Variants in SEMA5A observed in about 807,000 individuals in gnomAD.
The protein encoded by SEMA5A is semaphorin-5A.
SEMA5A carries 55 observed loss-of-function variants against 135.5 expected under a neutral mutation model. The ratio of observed to expected loss-of-function variants is 0.41; its 90% confidence interval spans 0.33 to 0.51. SEMA5A has a LOEUF of 0.51. Ranked by LOEUF, SEMA5A falls within the 20% of genes least tolerant of loss-of-function variation. The pLI is 0.37. For missense variants in SEMA5A, 1,290 were observed against 1,419.9 expected (o/e 0.91, Z 1.47); for synonymous variants, 580 against 546.5 (o/e 1.06, Z -0.85).
At chr5:9,340,220 A>G (rs1246752815) in intron 3 of SEMA5A, among the ~76,000 whole-genome samples, 3 of 152,190 alleles carry the variant, frequency 2.0e-5, no homozygotes, top group African/African-American at 7.2e-5. Flanking sequence ...TGGGAAACAC[A>G]TGACCAGGGA....
intron 13 of SEMA5A, among the ~76,000 whole-genome samples, chr5:9,127,540 A>G (rs997442972): frequency 6.6e-6 from 1 of 152,138 alleles, no homozygotes; most frequent in Non-Finnish European, 1.5e-5. Context: ...GTAAGTTCCC[A>G]ATAAACTCAC....
At chr5:9,465,109 A>C (rs142295143) in intron 1 of SEMA5A, among the ~76,000 whole-genome samples, 2 of 151,578 alleles carry the variant, frequency 1.3e-5, no homozygotes, top group African/African-American at 4.8e-5. Flanking sequence ...TCAATAAGAA[A>C]ATGTCAAAAT....
intron 16 of SEMA5A, among the ~76,000 whole-genome samples, chr5:9,081,821 A>G (rs1738402781): frequency 6.6e-6 from 1 of 152,212 alleles, no homozygotes; most frequent in South Asian, 2.1e-4. Context: ...TCAGTCCACT[A>G]TTTTTGAGGG....
chr5:9,474,524 A>T (rs996801986), intron 1 of SEMA5A, among the ~76,000 whole-genome samples: 2 of 152,022 alleles, frequency 1.3e-5, no homozygotes, highest in African/African-American at 4.8e-5. Flanking sequence ...ATTTCATCTG[A>T]AAGAGTCTAC....
chr5:9,332,173 TACATC>T (rs1753169847), intron 4 of SEMA5A, among the ~76,000 whole-genome samples: 1 of 151,662 alleles, frequency 6.6e-6, no homozygotes, highest in Admixed American at 6.6e-5. Context: ...GACTGGTGCT[TACATC>T]ATGTCAGATG....
intron 13 of SEMA5A, among the ~76,000 whole-genome samples, chr5:9,125,542 G>A (rs1741061545): frequency 6.6e-6 from 1 of 151,966 alleles, no homozygotes; most frequent in African/African-American, 2.4e-5. Flanking sequence ...TGCCCTCCCT[G>A]TGCCCATGTG....
chr5:9,357,702 G>A (rs527475871), intron 3 of SEMA5A, among the ~76,000 whole-genome samples: 8 of 152,256 alleles, frequency 5.3e-5, no homozygotes, highest in African/African-American at 1.9e-4. Context: ...AACTTTACCT[G>A]GTAACATCAA....
At chr5:9,228,803 T>A (rs778145511) in intron 6 of SEMA5A, among the ~76,000 whole-genome samples, 1 of 152,288 alleles carries the variant, frequency 6.6e-6, no homozygotes, top group South Asian at 2.1e-4. Flanking sequence ...ATGATTTGAA[T>A]CACATCATGC....
At chr5:9,268,942 C>A (rs73048616) in intron 5 of SEMA5A, among the ~76,000 whole-genome samples, 1 of 151,998 alleles carries the variant, frequency 6.6e-6, no homozygotes, top group South Asian at 2.1e-4. Flanking sequence ...ATGACAATTT[C>A]CAGATCAAGA....
At chr5:9,469,061 A>T (rs999608484) in intron 1 of SEMA5A, among the ~76,000 whole-genome samples, 1 of 151,872 alleles carries the variant, frequency 6.6e-6, no homozygotes, top group African/African-American at 2.4e-5. Context: ...CAGACTGGAG[A>T]GCAGTGGCAC....
At chr5:9,320,676 TCACTG>T (rs1321173749) in intron 4 of SEMA5A, among the ~76,000 whole-genome samples, 1 of 152,170 alleles carries the variant, frequency 6.6e-6, no homozygotes, top group Non-Finnish European at 1.5e-5. Context: ...CACGATCCTG[TCACTG>T]CACTCCAGCC....
intron 2 of SEMA5A, among the ~76,000 whole-genome samples, chr5:9,410,080 CAATT>C (rs1405893343): frequency 1.3e-5 from 2 of 151,976 alleles, no homozygotes; most frequent in East Asian, 1.9e-4. Flanking sequence ...TTTTTAGAGA[CAATT>C]AAAAGTTAAC....
At chr5:9,374,177 C>T (rs3798008) in intron 3 of SEMA5A, among the ~76,000 whole-genome samples, 2 of 152,042 alleles carry the variant, frequency 1.3e-5, no homozygotes, top group Admixed American at 6.5e-5. Flanking sequence ...AGTAACCTTG[C>T]AAACATAGCA....
At chr5:9,423,260 A>C (rs1386314512) in intron 2 of SEMA5A, among the ~76,000 whole-genome samples, 1 of 152,228 alleles carries the variant, frequency 6.6e-6, no homozygotes, top group Non-Finnish European at 1.5e-5. Flanking sequence ...CGAATTTTTA[A>C]AGTGAGATAT....
At chr5:9,380,882 T>C (rs1460501698) in intron 2 of SEMA5A, among the ~76,000 whole-genome samples, 1 of 151,452 alleles carries the variant, frequency 6.6e-6, no homozygotes, top group Non-Finnish European at 1.5e-5. Flanking sequence ...CTGAGTGTAA[T>C]GCTGGAGGAT....
At chr5:9,502,966 C>A (rs2126824647) in intron 1 of SEMA5A, among the ~76,000 whole-genome samples, 1 of 152,304 alleles carries the variant, frequency 6.6e-6, no homozygotes, top group African/African-American at 2.4e-5. Context: ...CTGGACTCAA[C>A]CAGAGCTACA....
intron 16 of SEMA5A, among the ~76,000 whole-genome samples, chr5:9,084,806 G>C (rs1738588669): frequency 6.6e-6 from 1 of 152,208 alleles, no homozygotes; most frequent in African/African-American, 2.4e-5. Context: ...AATAGGTAGA[G>C]GTTGGAACAG....
At chr5:9,199,084 A>C (rs755785548) in intron 9 of SEMA5A, among the ~76,000 whole-genome samples, 2 of 152,074 alleles carry the variant, frequency 1.3e-5, no homozygotes, top group African/African-American at 4.8e-5. Context: ...CCTGCTTTGC[A>C]TGGGGCCCCA....
intron 5 of SEMA5A, among the ~76,000 whole-genome samples, chr5:9,242,340 C>T (rs780969277): frequency 3.3e-5 from 5 of 151,876 alleles, no homozygotes; most frequent in Admixed American, 6.6e-5. Flanking sequence ...GTGCATTGAA[C>T]GAAAAAAGGC....
Sources: allele counts gnomAD v4.1 joint callset (sites outside exome capture counted in the v4.1 genomes callset), GRCh38; gene constraint gnomAD v4.1.1; transcripts MANE v1.5; gene names NCBI Gene and HGNC (gene_info 2026-07-23, HGNC 2026-07-21).